The following SLC1A7 variants were observed in gnomAD, a reference collection of about 807,000 sequenced individuals.
SLC1A7 encodes solute carrier family 1 member 7, also known as excitatory amino acid transporter 5.
Under a neutral mutation model 47.7 loss-of-function variants are expected in SLC1A7, and 40 were observed. That is an observed-to-expected ratio of 0.84 (90% CI 0.65 to 1.09). The LOEUF is 1.09. Ranked by LOEUF, SLC1A7 falls within the 50% of genes least tolerant of loss-of-function variation. SLC1A7 has a pLI of 0.00. For missense variants in SLC1A7, 746 were observed against 769.5 expected (o/e 0.97, Z 0.36); for synonymous variants, 323 against 325.6 (o/e 0.99, Z 0.09).
intron 5 of SLC1A7, among the ~76,000 whole-genome samples, chr1:53,094,011 G>A (rs1025528116): frequency 1.2e-4 from 18 of 152,172 alleles, no homozygotes; most frequent in African/African-American, 3.6e-4. Context: ...GGGCCTTTGC[G>A]CAAGCCGTTT....
chr1:53,094,444 A>G (rs1376491448), intron 5 of SLC1A7, among the ~76,000 whole-genome samples: 2 of 152,202 alleles, frequency 1.3e-5, no homozygotes, highest in East Asian at 3.9e-4. Flanking sequence ...AGCACTCTCT[A>G]CAGCTGCCCT....
At chr1:53,106,158 C>T (rs556672215) in intron 3 of SLC1A7, among the ~76,000 whole-genome samples, 7 of 151,680 alleles carry the variant, frequency 4.6e-5, no homozygotes, top group Middle Eastern at 3.2e-3. Flanking sequence ...GCCACACCAC[C>T]GTGCGGTCAC....
At chr1:53,141,312 C>T (rs1310896452) in intron 1 of SLC1A7, among the ~76,000 whole-genome samples, 1 of 151,990 alleles carries the variant, frequency 6.6e-6, no homozygotes, top group Admixed American at 6.6e-5. Flanking sequence ...ATTTTCTGTC[C>T]CCGACCCCCT....
chr1:53,112,589 A>T (rs1644711802), intron 3 of SLC1A7, among the ~76,000 whole-genome samples: 1 of 152,248 alleles, frequency 6.6e-6, no homozygotes, highest in Non-Finnish European at 1.5e-5. Flanking sequence ...CACAACCTTA[A>T]GCCAAGAGAA....
rs549691127 is a variant in SLC1A7, at chr1:53,097,008, C to A, written c.698-3448G>T. Among the ~76,000 whole-genome samples the A allele has an allele frequency of 3.3e-5, 5 of 151,180 alleles. No individual in the cohort carries two copies. In the South Asian group the frequency reaches 8.4e-4, roughly 25 times the overall value. On this transcript the variant is annotated intron_variant, in intron 5 of 10. Transcript: ENST00000371494. ...GCCTCAGTACACTCACACAACCCACCTTGGTACCCTCACACACACTGTCTT... is the reference window on the plus strand; with the variant it reads ...GCCTCAGTACACTCACACAACCCACATTGGTACCCTCACACACACTGTCTT...
rs917908236 is a variant in SLC1A7 at position 53,114,494 on chromosome 1, A to T, written c.431+264T>A. ...CAGCCTCCCACCCTACAGGCTGGGCATCAGCAAATGCTCACAGATGTCTGC... is the reference window on the plus strand; with the variant it reads ...CAGCCTCCCACCCTACAGGCTGGGCTTCAGCAAATGCTCACAGATGTCTGC... On this transcript the variant is annotated intron_variant, in intron 3 of 10. Coordinates refer to ENST00000371494, the MANE Select transcript of SLC1A7 (RefSeq NM_006671.6). 1.0e-5 allele frequency: 5 copies of T among 477,728 alleles called. No individual in the cohort carries two copies. The Admixed American group carries it at 1.7e-4, about 16-fold the overall frequency. 29.6% of individuals were successfully genotyped at this position (477,728 alleles called of 1,614,324 possible).
rs1271809101 is a variant in SLC1A7 at position 53,103,343 on chromosome 1, T to A, written c.697+3A>T. 1.3e-6 allele frequency: 2 copies of A among 1,590,104 alleles called. No homozygotes were observed. The highest frequency in any genetic ancestry group is 2.0e-4 in the Middle Eastern group (1 of 5,084). ...CACTGCTGGGCAGGTGGGCAGCACA[T>A]ACCCATGGTGGCAGAGAAGAAGACG... On this transcript the variant is annotated splice_donor_region_variant and intron_variant, in intron 5 of 10. Coordinates refer to ENST00000371494, the MANE Select transcript of SLC1A7 (RefSeq NM_006671.6).
At chr1:53,100,105 ACCT>A (rs1460761662) in intron 5 of SLC1A7, among the ~76,000 whole-genome samples, 1 of 146,130 alleles carries the variant, frequency 6.8e-6, no homozygotes. Context: ...CACATACACC[ACCT>A]CGACACACTC....
intron 8 of SLC1A7, 185 bp downstream of exon 8, chr1:53,090,427 G>A (rs1247418734): frequency 7.3e-6 from 7 of 958,734 alleles, no homozygotes; most frequent in Middle Eastern, 3.4e-4. Flanking sequence ...TCGCCCTGTG[G>A]CCACCAGCAA....
intron 5 of SLC1A7, among the ~76,000 whole-genome samples, chr1:53,101,890 C>G (rs941811496): frequency 3.6e-4 from 54 of 151,622 alleles, no homozygotes; most frequent in African/African-American, 1.3e-3. Context: ...TGTCTTGGTA[C>G]ACTCACATGT....
intron 1 of SLC1A7, among the ~76,000 whole-genome samples, chr1:53,141,333 G>A (rs1056566801): frequency 6.6e-6 from 1 of 151,756 alleles, no homozygotes; most frequent in Non-Finnish European, 1.5e-5. Flanking sequence ...CCCTCTGCTC[G>A]CTGGCTATAA....
At chr1:53,101,523 TCACCC>T in intron 5 of SLC1A7, among the ~76,000 whole-genome samples, 1 of 145,828 alleles carries the variant, frequency 6.9e-6, no homozygotes, top group South Asian at 2.2e-4. Context: ...CTCAGTACAC[TCACCC>T]TGACTCGTCA....
intron 2 of SLC1A7, among the ~76,000 whole-genome samples, chr1:53,121,763 C>A (rs1254082711): frequency 6.6e-6 from 1 of 152,140 alleles, no homozygotes; most frequent in South Asian, 2.1e-4. Context: ...GAGGCTGAGC[C>A]GTGGCTGCAC....
At chr1:53,093,027 C>A (rs779050988) in intron 6 of SLC1A7, among the ~76,000 whole-genome samples, 1 of 151,986 alleles carries the variant, frequency 6.6e-6, no homozygotes, top group Admixed American at 6.5e-5. Context: ...CAGGAGGCCC[C>A]CATTTCAGGC....
At chr1:53,135,476 C>A (rs960154098) in intron 1 of SLC1A7, among the ~76,000 whole-genome samples, 1 of 152,284 alleles carries the variant, frequency 6.6e-6, no homozygotes, top group East Asian at 1.9e-4. Context: ...TAGAAACAGC[C>A]CCCTTTGGCA....
chr1:53,116,542 T>C (rs1644763634), intron 2 of SLC1A7, among the ~76,000 whole-genome samples: 1 of 152,222 alleles, frequency 6.6e-6, no homozygotes, highest in Non-Finnish European at 1.5e-5. Flanking sequence ...GGGTGGGTCT[T>C]AGACATAAAT....
chr1:53,094,603 G>C (rs916155390), intron 5 of SLC1A7, among the ~76,000 whole-genome samples: 1 of 152,218 alleles, frequency 6.6e-6, no homozygotes. Context: ...CCGTGGTGAC[G>C]GAGTGAGGTG....
chr1:53,135,556 C>T (rs1644983846), intron 1 of SLC1A7, among the ~76,000 whole-genome samples: 1 of 152,200 alleles, frequency 6.6e-6, no homozygotes, highest in South Asian at 2.1e-4. Context: ...ACTAAGGCGC[C>T]AACTCCTTGC....
intron 5 of SLC1A7, among the ~76,000 whole-genome samples, chr1:53,097,946 CA>C: frequency 2.4e-5 from 1 of 40,884 alleles, no homozygotes; most frequent in Non-Finnish European, 1.6e-4. Context: ...GGTACACTCA[CA>C]CACCATGCCT....
Sources: allele counts gnomAD v4.1 joint callset (sites outside exome capture counted in the v4.1 genomes callset), GRCh38; gene constraint gnomAD v4.1.1; transcripts MANE v1.5; gene names NCBI Gene and HGNC (gene_info 2026-07-23, HGNC 2026-07-21).